HDAC4: variants seen among roughly 807,000 people sequenced by gnomAD.
HDAC4 encodes histone deacetylase A.
HDAC4 carries 16 observed loss-of-function variants against 135.1 expected under a neutral mutation model. The observed-to-expected ratio is 0.12, with a 90% CI of 0.08 to 0.18. HDAC4 has a LOEUF of 0.18. Ranked by LOEUF, HDAC4 falls within the 10% of genes least tolerant of loss-of-function variation. The probability of loss-of-function intolerance (pLI) is 1.00; values close to 1 mark genes in which losing one functional copy is unlikely to be tolerated. For synonymous variants in HDAC4, 685 were observed against 653.4 expected (o/e 1.05, Z -0.74); for missense variants, 1,143 against 1,511.8 (o/e 0.76, Z 4.05).
chr2:239,277,721 G>A (rs866555816), intron 2 of HDAC4, among the ~76,000 whole-genome samples: 1 of 152,190 alleles, frequency 6.6e-6, no homozygotes, highest in Admixed American at 6.5e-5. Flanking sequence ...GCTTTGGAAA[G>A]ACACTTCCAG....
intron 2 of HDAC4, among the ~76,000 whole-genome samples, chr2:239,278,148 GGTTGA>G (rs1396641599): frequency 6.6e-6 from 1 of 151,364 alleles, no homozygotes; most frequent in East Asian, 1.9e-4. Context: ...GGCTGGAAAG[GGTTGA>G]GTTTTCAAAT....
intron 2 of HDAC4, among the ~76,000 whole-genome samples, chr2:239,341,302 G>A (rs1311918651): frequency 6.6e-6 from 1 of 152,258 alleles, no homozygotes; most frequent in African/African-American, 2.4e-5. Flanking sequence ...GACTGCAGGT[G>A]TTCAGGCAAA....
At chr2:239,099,257 G>T (rs1441065436) in intron 16 of HDAC4, among the ~76,000 whole-genome samples, 1 of 152,184 alleles carries the variant, frequency 6.6e-6, no homozygotes, top group Non-Finnish European at 1.5e-5. Flanking sequence ...ACCAACAGCC[G>T]GTCCTTTGAA....
At chr2:239,154,017 A>T (rs771200073) in intron 7 of HDAC4, among the ~76,000 whole-genome samples, 19 of 152,226 alleles carry the variant, frequency 1.2e-4, no homozygotes, top group South Asian at 4.1e-4. Context: ...ATCCCCAGGT[A>T]GTGCTGACAT....
chr2:239,369,387 C>A (rs761804467), intron 1 of HDAC4, among the ~76,000 whole-genome samples: 1 of 152,166 alleles, frequency 6.6e-6, no homozygotes, highest in African/African-American at 2.4e-5. Flanking sequence ...AGCCACAGGG[C>A]TCCCCAGAGA....
intron 3 of HDAC4, among the ~76,000 whole-genome samples, chr2:239,195,540 T>TA (rs2045322884): frequency 1.3e-5 from 2 of 152,316 alleles, no homozygotes; most frequent in South Asian, 4.1e-4. Context: ...TTCGTGCGCC[T>TA]ACGGCTGTGT....
intron 16 of HDAC4, among the ~76,000 whole-genome samples, chr2:239,096,348 A>AC (rs1252390393): frequency 2.5e-5 from 2 of 80,658 alleles, no homozygotes; most frequent in Non-Finnish European, 5.3e-5. Flanking sequence ...GGACGCCCAC[A>AC]CCCCACCGAC....
intron 2 of HDAC4, among the ~76,000 whole-genome samples, chr2:239,242,914 C>T (rs1004818327): frequency 1.3e-5 from 2 of 152,148 alleles, no homozygotes; most frequent in Admixed American, 6.5e-5. Context: ...CATCTGATAA[C>T]GTAGTAAACT....
chr2:239,236,542 C>A, intron 3 of HDAC4, 51 bp downstream of exon 3: 1 of 1,437,356 alleles, frequency 7.0e-7, no homozygotes, highest in South Asian at 1.2e-5. Flanking sequence ...CTGAACACCT[C>A]TTTGGCTCAG....
intron 24 of HDAC4, among the ~76,000 whole-genome samples, chr2:239,061,502 CGTGTGACTGGTGCTTGCGTGGGTGTGCAT>C (rs2032733538): frequency 6.7e-6 from 1 of 149,190 alleles, no homozygotes; most frequent in South Asian, 2.2e-4. Context: ...CGTGTGTGCA[CGTGTGACTGGTGCTTGCGTGGGTGTGCAT>C]GTGTGGTGTG....
intron 2 of HDAC4, among the ~76,000 whole-genome samples, chr2:239,247,309 C>T (rs2048522523): frequency 6.6e-6 from 1 of 152,250 alleles, no homozygotes; most frequent in Admixed American, 6.5e-5. Flanking sequence ...ACAATTCCTA[C>T]CCGCATCTAC....
In HDAC4 at chr2:239,172,341, G is replaced by C. The variant is rs1022667592; in HGVS notation, c.490+4072C>G. On this transcript the variant is annotated intron_variant, in intron 5 of 26. Transcript: ENST00000543185. The stretch of plus-strand genomic sequence containing the variant: ...ATATCACTAAAAACATACACTAAAG[G>C]CAAGACAAGTGCATTAGAATAGTTG... Among the ~76,000 whole-genome samples, 6 of 144,388 alleles carry C rather than the reference G, an allele frequency of 4.2e-5. No homozygotes were observed. The East Asian group carries it at 6.0e-4, about 14-fold the overall frequency. 94.7% of individuals were successfully genotyped at this position (144,388 alleles called of 152,430 possible). A position where few individuals can be genotyped will look rare whatever the true frequency, so the allele number is the denominator to read the frequency against.
intron 24 of HDAC4, among the ~76,000 whole-genome samples, chr2:239,065,047 G>C (rs947302187): frequency 6.6e-6 from 1 of 152,208 alleles, no homozygotes; most frequent in Non-Finnish European, 1.5e-5. Flanking sequence ...TCGTGACCTC[G>C]AGTGCCTCTG....
At chr2:239,256,393 G>A (rs916488032) in intron 2 of HDAC4, among the ~76,000 whole-genome samples, 2 of 152,250 alleles carry the variant, frequency 1.3e-5, no homozygotes, top group African/African-American at 4.8e-5. Flanking sequence ...TTCTGTCGCA[G>A]GGGAAAGAGA....
intron 7 of HDAC4, among the ~76,000 whole-genome samples, chr2:239,150,483 C>A (rs974091253): frequency 3.3e-5 from 5 of 152,084 alleles, no homozygotes; most frequent in Admixed American, 3.3e-4. Context: ...GATACACACA[C>A]AGGTACACAC....
intron 4 of HDAC4, among the ~76,000 whole-genome samples, chr2:239,177,027 A>T (rs1032512133): frequency 1.3e-5 from 2 of 152,184 alleles, no homozygotes; most frequent in East Asian, 3.9e-4. Context: ...AAGCCTGTAC[A>T]AGAATGTGCA....
At chr2:239,055,177 CA>C in intron 24 of HDAC4, 1 of 321,574 alleles carries the variant, frequency 3.1e-6, no homozygotes, top group South Asian at 2.7e-5. Flanking sequence ...CTTACTTCAT[CA>C]CTTTTCTTTC....
At chr2:239,143,171 A>G (rs554265192) in intron 8 of HDAC4, among the ~76,000 whole-genome samples, 1 of 152,274 alleles carries the variant, frequency 6.6e-6, no homozygotes, top group Non-Finnish European at 1.5e-5. Context: ...CAAAAACAGC[A>G]CTCAGTAGTC....
chr2:239,114,735 C>G (rs1247060000), intron 13 of HDAC4, among the ~76,000 whole-genome samples: 3 of 152,218 alleles, frequency 2.0e-5, no homozygotes, highest in Non-Finnish European at 4.4e-5. Context: ...CATGCTGTAT[C>G]TCACTAACAC....
Sources: allele counts gnomAD v4.1 joint callset (sites outside exome capture counted in the v4.1 genomes callset), GRCh38; gene constraint gnomAD v4.1.1; transcripts MANE v1.5; gene names NCBI Gene and HGNC (gene_info 2026-07-23, HGNC 2026-07-21).